Variants in SGCG observed in about 807,000 individuals in gnomAD.
SGCG encodes the protein gamma-sarcoglycan.
Under a neutral mutation model 29.3 loss-of-function variants are expected in SGCG, and 26 were observed. That is an observed-to-expected ratio of 0.89 (90% confidence interval 0.65 to 1.23). The LOEUF (loss-of-function observed/expected upper bound fraction) is 1.23. SGCG is among the 50% of genes most tolerant of loss of function. The pLI is 0.00. For missense variants in SGCG, 353 were observed against 356.0 expected (o/e 0.99, Z 0.07); for synonymous variants, 145 against 129.7 (o/e 1.12, Z -0.80).
At chr13:23,271,648 G>T (rs946382370) in intron 4 of SGCG, among the ~76,000 whole-genome samples, 2 of 152,046 alleles carry the variant, frequency 1.3e-5, no homozygotes, top group African/African-American at 4.8e-5. Flanking sequence ...CTTTTTCCAA[G>T]CTATTCTTGT....
At position 23,207,610 on chromosome 13, in the gene SGCG, C is replaced by G. The variant is rs149192857; in HGVS notation, c.195+3721C>G. ...CAAAATATATAAGGAACTCCTATAA[C>G]TCAAGAGCAAAAAGACAAATAACCT... On this transcript the variant is annotated intron_variant, in intron 2 of 7. Coordinates refer to ENST00000218867, the MANE Select transcript of SGCG (RefSeq NM_000231.3). Among the ~76,000 whole-genome samples the G allele has an allele frequency of 2.0e-5, 3 of 152,222 alleles. No homozygotes were observed. The East Asian group carries it at 5.8e-4, about 29-fold the overall frequency.
intron 6 of SGCG, among the ~76,000 whole-genome samples, chr13:23,304,619 G>A (rs535775638): frequency 6.6e-6 from 1 of 151,734 alleles, no homozygotes; most frequent in African/African-American, 2.4e-5. Flanking sequence ...GCGGGGAGGG[G>A]AGCGGATGGA....
At chr13:23,307,828 TGCAG>T (rs1312907934) in intron 6 of SGCG, among the ~76,000 whole-genome samples, 1 of 152,210 alleles carries the variant, frequency 6.6e-6, no homozygotes, top group Admixed American at 6.5e-5. Flanking sequence ...ACTATTAAAA[TGCAG>T]GCATTTATTG....
intron 7 of SGCG, among the ~76,000 whole-genome samples, chr13:23,322,146 A>C (rs991892530): frequency 6.6e-6 from 1 of 152,232 alleles, no homozygotes; most frequent in Admixed American, 6.5e-5. Context: ...TGTCTTGTAC[A>C]TAGCTCTGTC....
At chr13:23,169,178 T>G in the SGCG span, among the ~76,000 whole-genome samples, 3 of 152,058 alleles carry the variant, frequency 2.0e-5, no homozygotes, top group Non-Finnish European at 2.9e-5. Context: ...AGGAGAACAC[T>G]GAACAATCCT....
chr13:23,295,496 T>C lies in SGCG; in HGVS notation c.578+9T>C, dbSNP rs757092281. On this transcript the variant is annotated intron_variant, in intron 6 of 7. Coordinates refer to ENST00000218867, the MANE Select transcript of SGCG (RefSeq NM_000231.3). ...CCGTTTCAAGACCTTAGGTAAGAATTTTTGTTCAAATATTAACAACCTCTC... is the reference window on the plus strand; with the variant it reads ...CCGTTTCAAGACCTTAGGTAAGAATCTTTGTTCAAATATTAACAACCTCTC... 4 of 1,604,716 alleles carry C rather than the reference T, an allele frequency of 2.5e-6. No homozygotes were observed. The highest frequency in any genetic ancestry group is 3.4e-6 in the Non-Finnish European group (4 of 1,171,408).
At chr13:23,285,010 G>A (rs1881441307) in intron 5 of SGCG, among the ~76,000 whole-genome samples, 1 of 152,220 alleles carries the variant, frequency 6.6e-6, no homozygotes, top group African/African-American at 2.4e-5. Context: ...CCTGCCAGAT[G>A]CCAGGCGGAG....
intron 6 of SGCG, among the ~76,000 whole-genome samples, chr13:23,317,540 T>C (rs1882866684): frequency 6.6e-6 from 1 of 152,160 alleles, no homozygotes; most frequent in Non-Finnish European, 1.5e-5. Context: ...TTTCTCCTTT[T>C]TTTTGCTGAA....
intron 6 of SGCG, among the ~76,000 whole-genome samples, chr13:23,317,587 ATATCT>A (rs1483052045): frequency 6.6e-6 from 1 of 152,254 alleles, no homozygotes; most frequent in East Asian, 1.9e-4. Context: ...TACTAAGAAA[ATATCT>A]TTATTTTCTT....
At chr13:23,179,916 G>T (rs1425086430), upstream of SGCG, among the ~76,000 whole-genome samples, 4 of 152,062 alleles carry the variant, frequency 2.6e-5, no homozygotes, top group African/African-American at 9.7e-5. Context: ...ACATGTGCAG[G>T]TTTGTTACAC....
In SGCG at chr13:23,279,432, A is replaced by G. The variant is rs1420567021; in HGVS notation, c.459A>G (p.Val153=). 1 of 1,613,422 alleles carries G rather than the reference A, an allele frequency of 6.2e-7. No homozygotes were observed. The highest frequency in any genetic ancestry group is 8.5e-7 in the Non-Finnish European group (1 of 1,179,398). ...ACGACGGCAAGCCACTATTTACTGT[A>G]GATGAGAAGGAAGTTGTGGTTGGTA... ...NSNDGKPLFT[V]DEKEVVVGTD... is the part of the protein sequence containing the mutation. Residue 153 remains valine (V), a synonymous_variant, in exon 5 of 8, where the codon GTA becomes GTG. Coordinates refer to ENST00000218867, the MANE Select transcript of SGCG (RefSeq NM_000231.3).
intron 2 of SGCG, among the ~76,000 whole-genome samples, chr13:23,214,818 ATTTAT>A (rs1442669036): frequency 6.6e-6 from 1 of 152,066 alleles, no homozygotes; most frequent in African/African-American, 2.4e-5. Context: ...TTCTCAAATT[ATTTAT>A]GTCTTTCTAA....
the SGCG span, among the ~76,000 whole-genome samples, chr13:23,163,453 A>G: frequency 3.3e-5 from 5 of 152,154 alleles, no homozygotes; most frequent in African/African-American, 1.2e-4. Flanking sequence ...CTCAATTTCA[A>G]TTAGGTTAAT....
intron 2 of SGCG, among the ~76,000 whole-genome samples, chr13:23,219,282 C>G (rs1364384493): frequency 6.6e-6 from 1 of 152,074 alleles, no homozygotes; most frequent in Non-Finnish European, 1.5e-5. Context: ...CTCCTGACCT[C>G]CTGATATGCC....
intron 2 of SGCG, among the ~76,000 whole-genome samples, chr13:23,208,741 A>G (rs1229006763): frequency 6.6e-6 from 1 of 152,200 alleles, no homozygotes; most frequent in Non-Finnish European, 1.5e-5. Flanking sequence ...ATATTCCGTT[A>G]GCCATCATAA....
intron 6 of SGCG, among the ~76,000 whole-genome samples, chr13:23,305,478 G>A (rs1882327401): frequency 1.3e-5 from 2 of 152,190 alleles, no homozygotes; most frequent in South Asian, 4.1e-4. Context: ...AATAGGTATA[G>A]TTTTACACCT....
chr13:23,308,337 C>A (rs1461549572), intron 6 of SGCG, among the ~76,000 whole-genome samples: 1 of 152,014 alleles, frequency 6.6e-6, no homozygotes, highest in East Asian at 1.9e-4. Context: ...GTGGGAATAC[C>A]CAGTTGTCTC....
chr13:23,168,261 A>G, the SGCG span, among the ~76,000 whole-genome samples: 2 of 152,094 alleles, frequency 1.3e-5, no homozygotes, highest in African/African-American at 4.8e-5. Flanking sequence ...TTTAAAATAT[A>G]CTCCTAGTGA....
intron 1 of SGCG, among the ~76,000 whole-genome samples, chr13:23,193,498 G>A (rs1593165291): frequency 6.6e-6 from 1 of 150,830 alleles, no homozygotes; most frequent in South Asian, 2.1e-4. Context: ...TGGCAGGCAG[G>A]GCTTGCTGAT....
Sources: allele counts gnomAD v4.1 joint callset (sites outside exome capture counted in the v4.1 genomes callset), GRCh38; gene constraint gnomAD v4.1.1; transcripts MANE v1.5; gene names NCBI Gene and HGNC (gene_info 2026-07-23, HGNC 2026-07-21).